Variants in ITGA8 observed in about 807,000 individuals in gnomAD.
ITGA8 encodes the protein integrin subunit alpha 8.
In ITGA8, 91 loss-of-function variants were observed where a neutral mutation model predicts 142.3. That is an observed-to-expected ratio of 0.64 (90% confidence interval 0.54 to 0.76). The LOEUF (loss-of-function observed/expected upper bound fraction) is 0.76, where lower values mean the gene tolerates loss of function less well. Ranked by LOEUF, ITGA8 falls within the 30% of genes least tolerant of loss-of-function variation. The pLI, the probability that ITGA8 is intolerant of heterozygous loss-of-function variation, is 0.00. For synonymous variants in ITGA8, 505 were observed against 485.2 expected (o/e 1.04, Z -0.54); for missense variants, 1,406 against 1,327.7 (o/e 1.06, Z -0.92).
At chr10:15,634,245 T>A (rs1833733105) in intron 13 of ITGA8, among the ~76,000 whole-genome samples, 1 of 152,168 alleles carries the variant, frequency 6.6e-6, no homozygotes, top group Non-Finnish European at 1.5e-5. Context: ...GGATGTTTTA[T>A]CTCCACAATT....
chr10:15,551,144 G>C (rs2131560407), intron 26 of ITGA8, among the ~76,000 whole-genome samples: 1 of 152,134 alleles, frequency 6.6e-6, no homozygotes, highest in South Asian at 2.1e-4. Flanking sequence ...GACGGGCGTG[G>C]CTCTCAGACA....
intron 2 of ITGA8, among the ~76,000 whole-genome samples, chr10:15,701,642 A>T (rs1835166381): frequency 6.6e-6 from 1 of 152,220 alleles, no homozygotes; most frequent in African/African-American, 2.4e-5. Flanking sequence ...CCTGGGACAG[A>T]AGAGAAGAGT....
At chr10:15,700,165 A>T (rs1349346660) in intron 2 of ITGA8, among the ~76,000 whole-genome samples, 1 of 152,192 alleles carries the variant, frequency 6.6e-6, no homozygotes, top group Middle Eastern at 3.2e-3. Context: ...AGTGGCAGAG[A>T]TACTTTTCTT....
chr10:15,642,793 C>T (rs765586290), intron 13 of ITGA8, among the ~76,000 whole-genome samples: 3 of 152,080 alleles, frequency 2.0e-5, no homozygotes, highest in Non-Finnish European at 4.4e-5. Flanking sequence ...TCCTTTTTGT[C>T]TAATCCCAGA....
chr10:15,719,834 A>AGG lies in ITGA8; in HGVS notation c.-65_-64dup, dbSNP rs11575599. ...GCGAGCCGAGGACCCCTGCGGGGCA[A>AGG]GGGGGGCTGGTGGAATCTGGCGGTC... On this transcript the variant is annotated 5_prime_UTR_variant, in exon 1 of 30. Coordinates refer to ENST00000378076, the MANE Select transcript of ITGA8 (RefSeq NM_003638.3). The AGG allele has an allele frequency of 1.3e-5, 15 of 1,175,190 alleles. No homozygotes were observed. In the African/African-American group the frequency reaches 1.9e-4, roughly 15 times the overall value. 72.8% of individuals were successfully genotyped at this position (1,175,190 alleles called of 1,614,324 possible).
chr10:15,647,020 A>C lies in ITGA8; in HGVS notation c.1033T>G (p.Phe345Val), dbSNP rs1216645556. Residue 345 changes from phenylalanine (F) to valine (V), a missense_variant, in exon 12 of 30, where the codon TTT becomes GTT. Physicochemically the swap from Phe to Val is conservative, Grantham distance 50. Transcript: ENST00000378076. ...LDDVLVGAPL[F>V]MEREFESNPR... Reference sequence around the variant, plus strand: ...TTGCTCTCAAATTCACGTTCCATAAAGAGAGGTGCCCCAACCAGGACATCA... The same window carrying C: ...TTGCTCTCAAATTCACGTTCCATAACGAGAGGTGCCCCAACCAGGACATCA... 6.2e-7 allele frequency: 1 copy of C among 1,613,812 alleles called. No homozygotes were observed. The highest frequency in any genetic ancestry group is 8.5e-7 in the Non-Finnish European group (1 of 1,180,024).
Position 15,637,806 on chromosome 10 carries a change from GTT to G in ITGA8, c.1399+6222_1399+6223del, listed in dbSNP as rs5783461. ...CCGTGCCCATCGGCTAACTTTAAAA[GTT>G]TTTTTTTTTTTAAATTGGCTTGATG... is the stretch of plus-strand genomic sequence containing the variant. On this transcript the variant is annotated intron_variant, in intron 13 of 29. Coordinates refer to ENST00000378076, the MANE Select transcript of ITGA8 (RefSeq NM_003638.3). Among the ~76,000 whole-genome samples the G allele has an allele frequency of 2.7e-3, 397 of 148,504 alleles. 2 individuals are homozygous for G. The highest frequency in any genetic ancestry group is 6.5e-3 in the African/African-American group (265 of 40,752).
chr10:15,528,922 T>G (rs1330515714), intron 28 of ITGA8, among the ~76,000 whole-genome samples: 1 of 152,180 alleles, frequency 6.6e-6, no homozygotes, highest in African/African-American at 2.4e-5. Flanking sequence ...ATATTTTAAC[T>G]GTGCACATCT....
At chr10:15,607,946 A>G (rs1485201942) in intron 16 of ITGA8, 115 bp from the exon 17 acceptor site, 1 of 866,194 alleles carries the variant, frequency 1.2e-6, no homozygotes, top group African/African-American at 1.7e-5. Context: ...TTCATAGTTG[A>G]GACCAAGCAT....
At chr10:15,591,333 A>G (rs1003897573) in intron 22 of ITGA8, among the ~76,000 whole-genome samples, 1 of 151,026 alleles carries the variant, frequency 6.6e-6, no homozygotes, top group African/African-American at 2.4e-5. Flanking sequence ...CAAAAAATAC[A>G]TACATCTCAC....
In ITGA8 at chr10:15,608,214, T is replaced by C. The variant is rs568395287; in HGVS notation, c.1609+21A>G. On this transcript the variant is annotated intron_variant, in intron 16 of 29. Coordinates refer to ENST00000378076, the MANE Select transcript of ITGA8 (RefSeq NM_003638.3). ...ACTTTCTTAGTATACCATAAGAATGTAAAAATGAAAACATGCTTACCTATT... is the reference window on the plus strand; with the variant it reads ...ACTTTCTTAGTATACCATAAGAATGCAAAAATGAAAACATGCTTACCTATT... 7.7e-6 allele frequency: 12 copies of C among 1,560,426 alleles called. No homozygotes were observed. The South Asian group carries it at 1.3e-4, about 16-fold the overall frequency.
At chr10:15,523,015 CA>C (rs60985014) in intron 28 of ITGA8, among the ~76,000 whole-genome samples, 25,485 of 140,494 alleles carry the variant, frequency 0.18, 2,652 homozygotes, top group African/African-American at 0.32. Context: ...GGCTCAGTCT[CA>C]AAAAAAAAAA....
chr10:15,550,423 G>A (rs548147426), intron 26 of ITGA8, among the ~76,000 whole-genome samples: 20 of 152,308 alleles, frequency 1.3e-4, no homozygotes, highest in African/African-American at 3.6e-4. Context: ...CTGACATGCT[G>A]TGTACCACTA....
intron 10 of ITGA8, 146 bp downstream of exon 10, chr10:15,658,853 A>G (rs532955786): frequency 3.7e-5 from 22 of 596,846 alleles, no homozygotes; most frequent in Non-Finnish European, 5.5e-5. Context: ...CTGATGCATG[A>G]TTGCATCCCC....
In ITGA8 at chr10:15,531,638, G is replaced by C. The variant is rs1047865803; in HGVS notation, c.2881-487C>G. On this transcript the variant is annotated intron_variant, in intron 27 of 29. Coordinates refer to ENST00000378076, the MANE Select transcript of ITGA8 (RefSeq NM_003638.3). ...ATTTTAGGAGAGAAACTGGCAGTAA[G>C]TTATAAAGAAATGTATTGGCTGGGC... 2.0e-5 allele frequency among the ~76,000 whole-genome samples: 3 copies of C among 152,092 alleles called. No homozygotes were observed. The East Asian group carries it at 5.8e-4, about 29-fold the overall frequency.
At chr10:15,571,398 C>T (rs1834180754) in intron 25 of ITGA8, among the ~76,000 whole-genome samples, 1 of 152,212 alleles carries the variant, frequency 6.6e-6, no homozygotes, top group African/African-American at 2.4e-5. Flanking sequence ...AAGTTATCTC[C>T]TAAGGACAAT....
At chr10:15,602,979 C>T (rs1412586715) in intron 20 of ITGA8, among the ~76,000 whole-genome samples, 1 of 151,844 alleles carries the variant, frequency 6.6e-6, no homozygotes, top group Non-Finnish European at 1.5e-5. Flanking sequence ...TAAGATGTGA[C>T]TGACATACAC....
chr10:15,581,907 GA>G (rs1247161198), intron 23 of ITGA8, among the ~76,000 whole-genome samples: 2 of 152,280 alleles, frequency 1.3e-5, no homozygotes, highest in African/African-American at 2.4e-5. Context: ...TCAGTGGGGG[GA>G]AAAATGGTTT....
At chr10:15,609,482 G>T (rs183172436) in intron 15 of ITGA8, among the ~76,000 whole-genome samples, 1 of 152,268 alleles carries the variant, frequency 6.6e-6, no homozygotes, top group East Asian at 1.9e-4. Context: ...TGTGACCTCA[G>T]TCAATGTCTC....
Sources: allele counts gnomAD v4.1 joint callset (sites outside exome capture counted in the v4.1 genomes callset), GRCh38; gene constraint gnomAD v4.1.1; transcripts MANE v1.5; gene names NCBI Gene and HGNC (gene_info 2026-07-23, HGNC 2026-07-21).